VCL: variants seen among roughly 807,000 people sequenced by gnomAD.
The protein encoded by VCL is epididymis luminal protein 114.
A neutral mutation model predicts 125.7 loss-of-function variants in VCL; 47 were observed. That is an observed-to-expected ratio of 0.37 (90% CI 0.30 to 0.48). VCL has a LOEUF of 0.48. Among genes scored for constraint, VCL ranks in the 20% least tolerant of loss-of-function variants. The pLI is 0.99. For synonymous variants in VCL, 458 were observed against 514.6 expected (o/e 0.89, Z 1.49); for missense variants, 1,069 against 1,455.5 (o/e 0.73, Z 4.32).
At chr10:74,067,766 G>T (rs781421418) in intron 2 of VCL, among the ~76,000 whole-genome samples, 3 of 152,204 alleles carry the variant, frequency 2.0e-5, no homozygotes, top group Non-Finnish European at 4.4e-5. Context: ...TCTTTTGTAT[G>T]ATGTTTCCAC....
chr10:74,067,668 A>T (rs568435441), intron 2 of VCL, among the ~76,000 whole-genome samples: 2 of 152,314 alleles, frequency 1.3e-5, no homozygotes, highest in African/African-American at 2.4e-5. Context: ...TTCAGCCATA[A>T]AAAAAGAATG....
chr10:74,089,115 C>T (rs965693335), intron 8 of VCL, 81 bp from the exon 9 acceptor site: 1 of 1,590,920 alleles, frequency 6.3e-7, no homozygotes. Context: ...TCATGAAAAC[C>T]ACATGTACTG....
intron 8 of VCL, among the ~76,000 whole-genome samples, chr10:74,083,723 ACT>A (rs1340260893): frequency 6.6e-6 from 1 of 152,018 alleles, no homozygotes; most frequent in African/African-American, 2.4e-5. Context: ...ACAGAGTCTC[ACT>A]CTGTTACCCA....
intron 6 of VCL, among the ~76,000 whole-genome samples, chr10:74,079,035 CATT>C: frequency 6.6e-6 from 1 of 152,142 alleles, no homozygotes; most frequent in Admixed American, 6.5e-5. Context: ...AGAAGGAGGT[CATT>C]ATTATTCACA....
intron 1 of VCL, among the ~76,000 whole-genome samples, chr10:74,014,926 C>T (rs531133610): frequency 1.4e-4 from 21 of 152,238 alleles, no homozygotes; most frequent in African/African-American, 1.9e-4. Context: ...TGGGCTCAAG[C>T]GATTCTCCCA....
At chr10:73,999,237 G>A (rs547616684) in intron 1 of VCL, among the ~76,000 whole-genome samples, 1 of 152,304 alleles carries the variant, frequency 6.6e-6, no homozygotes, top group East Asian at 1.9e-4. Flanking sequence ...GGAGCTGTTG[G>A]GAGAGGCCTG....
intron 15 of VCL, 90 bp downstream of exon 15, chr10:74,104,018 A>G: frequency 1.5e-6 from 2 of 1,329,754 alleles, no homozygotes. Context: ...ACTCAGCTGT[A>G]ATTGGATAAA....
rs1437296723 is a variant in VCL at position 74,118,351 on chromosome 10, T to C, written c.*182T>C. 6 of 741,916 alleles carry C rather than the reference T, an allele frequency of 8.1e-6. No homozygotes were observed. The highest frequency in any genetic ancestry group is 2.2e-5 in the Admixed American group (1 of 45,012). The allele number at this position is 741,916 out of a possible 1,614,324, so 46.0% of individuals were successfully genotyped here. On this transcript the variant is annotated 3_prime_UTR_variant, in exon 22 of 22. Coordinates refer to ENST00000211998, the MANE Select transcript of VCL (RefSeq NM_014000.3). ...TTATACTCTTTTTTCATGGACACTT[T>C]GAAATGTGTTTCTGTATAAAGCCTG...
intron 1 of VCL, among the ~76,000 whole-genome samples, chr10:74,001,589 A>T (rs748996241): frequency 2.0e-5 from 3 of 152,224 alleles, no homozygotes; most frequent in Admixed American, 1.3e-4. Context: ...TTGGTTGGTT[A>T]TGAAGAAAAT....
intron 1 of VCL, among the ~76,000 whole-genome samples, chr10:74,001,851 C>G (rs909842556): frequency 6.6e-6 from 1 of 152,040 alleles, no homozygotes; most frequent in Non-Finnish European, 1.5e-5. Flanking sequence ...GAATTTCTTT[C>G]AGATTATTTA....
intron 5 of VCL, 92 bp from the exon 6 acceptor site, chr10:74,074,651 C>T (rs149337917): frequency 2.0e-6 from 3 of 1,480,322 alleles, no homozygotes; most frequent in Non-Finnish European, 2.8e-6. Flanking sequence ...CTTAAAAGCC[C>T]AAAACATCTA....
chr10:74,091,309 A>C (rs909354476), intron 10 of VCL, among the ~76,000 whole-genome samples: 4 of 152,188 alleles, frequency 2.6e-5, no homozygotes, highest in African/African-American at 9.7e-5. Flanking sequence ...CTAACAGCAG[A>C]CCTTCATGTG....
In VCL at chr10:74,035,248, TTTTC is replaced by T. The variant is rs1314559475; in HGVS notation, c.169-7827_169-7824del. 3.9e-5 allele frequency among the ~76,000 whole-genome samples: 6 copies of T among 151,978 alleles called. 1 individual carries two copies. In the South Asian group the frequency reaches 8.3e-4, roughly 21 times the overall value. On this transcript the variant is annotated intron_variant, in intron 1 of 21. Coordinates refer to ENST00000211998, the MANE Select transcript of VCL (RefSeq NM_014000.3). ...AGTGACTTGAACCAGCCAACCTTTT[TTTTC>T]TTTCTTTTTTTTTTTTTGCTGGAAA...
rs571588130 is a variant in VCL, at chr10:74,087,766, G to A, written c.1023-1430G>A. On this transcript the variant is annotated intron_variant, in intron 8 of 21. Transcript: ENST00000211998. The stretch of plus-strand genomic sequence containing the variant: ...TGAGGCTGGTGGATCTCTTGAGGTC[G>A]GAAGTTCAAGACCAGCCTGGCCAAC... Among the ~76,000 whole-genome samples the A allele has an allele frequency of 2.3e-3, 354 of 151,874 alleles. 2 individuals are homozygous for A. Among genetic ancestry groups the A allele is most frequent in the African/African-American group, 7.5e-3 (313 of 41,518 alleles).
At chr10:74,088,629 C>T (rs1839824878) in intron 8 of VCL, among the ~76,000 whole-genome samples, 1 of 152,026 alleles carries the variant, frequency 6.6e-6, no homozygotes, top group Non-Finnish European at 1.5e-5. Context: ...GTTACCTTCA[C>T]TATATAAGTT....
rs1031286919 is a variant in VCL at position 74,119,386 on chromosome 10, T to C, written c.*1217T>C. The C allele has an allele frequency of 1.3e-5, 2 of 152,222 alleles. No individual in the cohort carries two copies. Among genetic ancestry groups the C allele is most frequent in the East Asian group, 3.8e-4 (2 of 5,198 alleles). The allele number at this position is 152,222 out of a possible 1,614,324, so 9.4% of individuals were successfully genotyped here. A position where few individuals can be genotyped will look rare whatever the true frequency, so the allele number is the denominator to read the frequency against. ...ACTAGAATTCTAGTGCTGCTGAAGA[T>C]GAATCAATGGGAAATACTACTCCTG... is the stretch of plus-strand genomic sequence containing the variant. On this transcript the variant is annotated 3_prime_UTR_variant, in exon 22 of 22. Coordinates refer to ENST00000211998, the MANE Select transcript of VCL (RefSeq NM_014000.3).
At chr10:74,007,034 G>A (rs1289685328) in intron 1 of VCL, among the ~76,000 whole-genome samples, 2 of 151,198 alleles carry the variant, frequency 1.3e-5, no homozygotes, top group African/African-American at 4.9e-5. Context: ...GGCACAATCT[G>A]GGCTCACTGT....
chr10:74,095,540 T>C, intron 11 of VCL, 116 bp from the exon 12 acceptor site: 1 of 1,329,146 alleles, frequency 7.5e-7, no homozygotes, highest in South Asian at 1.3e-5. Context: ...AATGAGCTGT[T>C]GTTCCACTGC....
chr10:74,114,600 A>G (rs758034084), intron 20 of VCL, among the ~76,000 whole-genome samples, 195 bp from the exon 21 acceptor site: 84 of 151,962 alleles, frequency 5.5e-4, no homozygotes, highest in Non-Finnish European at 8.4e-4. Flanking sequence ...CTTCCTAATC[A>G]AATGAATGCT....
Sources: allele counts gnomAD v4.1 joint callset (sites outside exome capture counted in the v4.1 genomes callset), GRCh38; gene constraint gnomAD v4.1.1; transcripts MANE v1.5; gene names NCBI Gene and HGNC (gene_info 2026-07-23, HGNC 2026-07-21).